PLD5: variants seen among roughly 807,000 people sequenced by gnomAD.
PLD5 encodes the protein phospholipase D family member 5.
In PLD5, 36 loss-of-function variants were observed where a neutral mutation model predicts 61.1. The observed-to-expected ratio is 0.59, with a 90% CI of 0.45 to 0.78. The LOEUF (loss-of-function observed/expected upper bound fraction) is 0.78. PLD5 is among the 30% of genes least tolerant of loss of function. The pLI, the probability that PLD5 is intolerant of heterozygous loss-of-function variation, is 0.00. For synonymous variants in PLD5, 243 were observed against 242.8 expected (o/e 1.00, Z -0.01); for missense variants, 515 against 644.4 (o/e 0.80, Z 2.17).
At chr1:242,297,672 G>T (rs1327317831) in intron 2 of PLD5, among the ~76,000 whole-genome samples, 1 of 131,330 alleles carries the variant, frequency 7.6e-6, no homozygotes, top group Non-Finnish European at 1.5e-5. Flanking sequence ...TCGCTCTGTC[G>T]CCCAGGCCGG....
intron 1 of PLD5, among the ~76,000 whole-genome samples, chr1:242,511,831 A>C (rs1553271163): frequency 6.6e-6 from 1 of 152,236 alleles, no homozygotes; most frequent in Non-Finnish European, 1.5e-5. Context: ...TTGAGGTGTT[A>C]ACACATTAGG....
chr1:242,463,989 A>T (rs1272884218), intron 1 of PLD5, among the ~76,000 whole-genome samples: 1 of 152,024 alleles, frequency 6.6e-6, no homozygotes, highest in Non-Finnish European at 1.5e-5. Flanking sequence ...CCACCTCTCC[A>T]CTGACATTGC....
chr1:242,476,299 G>C (rs916671462), intron 1 of PLD5, among the ~76,000 whole-genome samples: 2 of 151,976 alleles, frequency 1.3e-5, no homozygotes, highest in African/African-American at 4.8e-5. Flanking sequence ...AGGCTGCAGT[G>C]AGCCGAGATT....
chr1:242,346,306 A>T (rs1212458061), intron 2 of PLD5, among the ~76,000 whole-genome samples: 1 of 152,122 alleles, frequency 6.6e-6, no homozygotes, highest in African/African-American at 2.4e-5. Flanking sequence ...GTTGAAAATG[A>T]CCAATACCTG....
At chr1:242,528,688 C>T (rs1669494071), upstream of PLD5, among the ~76,000 whole-genome samples, 1 of 152,140 alleles carries the variant, frequency 6.6e-6, no homozygotes, top group Admixed American at 6.6e-5. Context: ...GCTATCAGTT[C>T]CATCTTTCGA....
At chr1:242,096,202 C>T (rs1660210809) in intron 9 of PLD5, among the ~76,000 whole-genome samples, 1 of 152,170 alleles carries the variant, frequency 6.6e-6, no homozygotes. Flanking sequence ...TCGTGATCCG[C>T]CTGCCTTGGC....
At chr1:242,458,948 A>G (rs937587260) in intron 1 of PLD5, among the ~76,000 whole-genome samples, 1 of 152,186 alleles carries the variant, frequency 6.6e-6, no homozygotes, top group African/African-American at 2.4e-5. Flanking sequence ...AATGGGCTTC[A>G]TTGCTATTAC....
chr1:242,349,855 C>T (rs568121410), intron 1 of PLD5, among the ~76,000 whole-genome samples: 8 of 152,238 alleles, frequency 5.3e-5, no homozygotes, highest in South Asian at 2.1e-4. Context: ...GATTAGGTCA[C>T]GAAGACAGAG....
At chr1:242,235,624 G>C (rs1444723823) in intron 4 of PLD5, 1 of 152,160 alleles carries the variant, frequency 6.6e-6, no homozygotes, top group Non-Finnish European at 1.5e-5. Flanking sequence ...AGACACTTTA[G>C]AAGAATCAGG....
chr1:242,404,875 A>ATTTT (rs11361107), intron 1 of PLD5, among the ~76,000 whole-genome samples: 21 of 75,396 alleles, frequency 2.8e-4, no homozygotes, highest in African/African-American at 3.7e-4. Flanking sequence ...TTCCCTGCTA[A>ATTTT]TTTTTTTTTT....
Position 242,394,382 on chromosome 1 carries a change from GTA to G in PLD5, c.190-46142_190-46141del, listed in dbSNP as rs1391355118. On this transcript the variant is annotated intron_variant, in intron 1 of 9. Transcript: ENST00000536534. ...TGTGTATATATGAGTATATATGTGTGTATATATGAGTATATATGTGTGTATAT... is the reference window on the plus strand; with the variant it reads ...TGTGTATATATGAGTATATATGTGTGTATATGAGTATATATGTGTGTATAT... 2.5e-4 allele frequency among the ~76,000 whole-genome samples: 22 copies of G among 89,412 alleles called. 3 individuals are homozygous for G. Among genetic ancestry groups the G allele is most frequent in the African/African-American group, 8.8e-4 (19 of 21,542 alleles). The allele number at this position is 89,412 out of a possible 152,430, so 58.7% of individuals were successfully genotyped here.
chr1:242,147,581 A>C (rs1313997971), intron 5 of PLD5: 1 of 152,174 alleles, frequency 6.6e-6, no homozygotes, highest in Non-Finnish European at 1.5e-5. Flanking sequence ...CTTCTTAAGA[A>C]TTTGCCAAAC....
At chr1:242,253,022 G>A (rs1243957012) in intron 4 of PLD5, among the ~76,000 whole-genome samples, 1 of 150,602 alleles carries the variant, frequency 6.6e-6, no homozygotes, top group Non-Finnish European at 1.5e-5. Flanking sequence ...TTACCATGTT[G>A]CTCAGGCTGG....
chr1:242,294,811 T>C (rs1307357298), intron 2 of PLD5, among the ~76,000 whole-genome samples: 1 of 152,148 alleles, frequency 6.6e-6, no homozygotes, highest in African/African-American at 2.4e-5. Flanking sequence ...TTGAAAAAAA[T>C]GTCTCCAAGT....
At chr1:242,235,639 CTAAT>C (rs1671592826) in intron 4 of PLD5, 1 of 152,126 alleles carries the variant, frequency 6.6e-6, no homozygotes, top group African/African-American at 2.4e-5. Context: ...ATCAGGTTCT[CTAAT>C]TAACAAGAGA....
intron 7 of PLD5, among the ~76,000 whole-genome samples, chr1:242,112,324 T>C (rs1433894682): frequency 1.2e-5 from 1 of 81,438 alleles, no homozygotes; most frequent in Non-Finnish European, 2.3e-5. Flanking sequence ...TGTGTGTGTG[T>C]ATGTATGTAT....
intron 1 of PLD5, among the ~76,000 whole-genome samples, chr1:242,427,630 G>A (rs1305289525): frequency 6.6e-6 from 1 of 152,162 alleles, no homozygotes; most frequent in East Asian, 1.9e-4. Flanking sequence ...ATCCCATATG[G>A]AAAGCTAATT....
At chr1:242,307,319 C>T (rs1393302) in intron 2 of PLD5, among the ~76,000 whole-genome samples, 138,073 of 151,996 alleles carry the variant, frequency 0.91, 62,670 homozygotes, top group East Asian at 0.95. Context: ...CATATAGTCA[C>T]GCATTTCAAA....
intron 2 of PLD5, among the ~76,000 whole-genome samples, chr1:242,341,089 C>T (rs1444414601): frequency 2.6e-5 from 4 of 152,132 alleles, no homozygotes; most frequent in African/African-American, 9.6e-5. Flanking sequence ...TTTAAAATAG[C>T]ACTAGAAAAG....
Sources: gnomAD v4.1 joint callset for allele counts (sites outside exome capture counted in the v4.1 genomes callset) on GRCh38, gnomAD v4.1.1 for gene constraint, MANE v1.5 for transcripts, NCBI Gene and HGNC (gene_info 2026-07-23, HGNC 2026-07-21) for gene names.